FGF13: variants seen among roughly 807,000 people sequenced by gnomAD.
The protein encoded by FGF13 is fibroblast growth factor 13, also known as fibroblast growth factor homologous factor 2.
Under a neutral mutation model 19.5 loss-of-function variants are expected in FGF13, and 2 were observed. The observed-to-expected ratio is 0.10, with a 90% CI of 0.04 to 0.32. The LOEUF is 0.32. Ranked by LOEUF, FGF13 falls within the 10% of genes least tolerant of loss-of-function variation. The pLI is 1.00. For missense variants in FGF13, 113 were observed against 192.7 expected, an observed-to-expected ratio of 0.59 and a Z score of 2.45; for synonymous variants, 72 against 76.9, an observed-to-expected ratio of 0.94 and a Z score of 0.33.
At chrX:139,005,197 C>T (rs1373105337) in intron 1 of FGF13, among the ~76,000 whole-genome samples, 1 of 53,208 alleles carries the variant, frequency 1.9e-5, no homozygotes, top group Admixed American at 1.6e-4. Context: ...GTCACTGCCC[C>T]CCCCCCCCCC....
intron 1 of FGF13, among the ~76,000 whole-genome samples, chrX:138,947,289 CA>C (rs1039136100): frequency 1.8e-5 from 2 of 108,113 alleles, no homozygotes; most frequent in Admixed American, 9.9e-5. Context: ...TTAAAATGAG[CA>C]AAAAAAAACT....
chrX:139,141,048 G>GATAGATAC (rs2083839277), intron 1 of FGF13, among the ~76,000 whole-genome samples: 1 of 11,409 alleles, frequency 8.8e-5, no homozygotes, highest in Non-Finnish European at 1.9e-4. Flanking sequence ...CTAGATAGAT[G>GATAGATAC]ATAGATAGAT....
chrX:138,790,706 G>C (rs1049948278), intron 3 of FGF13, among the ~76,000 whole-genome samples: 3 of 112,090 alleles, frequency 2.7e-5, no homozygotes, highest in African/African-American at 9.8e-5. Flanking sequence ...CTTCTCAAAT[G>C]CAGCTGAATT....
At chrX:139,011,058 G>A (rs1313883513) in intron 1 of FGF13, among the ~76,000 whole-genome samples, 1 of 111,084 alleles carries the variant, frequency 9.0e-6, no homozygotes, top group Non-Finnish European at 1.9e-5. Flanking sequence ...ACTTAGAGGA[G>A]ATGGATACAT....
chrX:138,986,680 TG>T (rs1019380120), intron 1 of FGF13, among the ~76,000 whole-genome samples: 4 of 112,042 alleles, frequency 3.6e-5, no homozygotes, highest in Admixed American at 2.8e-4. Context: ...GGCACAGCAC[TG>T]CATCCAGCTG....
At chrX:138,719,550 G>A (rs1336194862) in intron 1 of FGF13, among the ~76,000 whole-genome samples, 1 of 111,839 alleles carries the variant, frequency 8.9e-6, no homozygotes, top group African/African-American at 3.3e-5. Context: ...ACTTAGCAGA[G>A]ACAAGAAGTT....
At chrX:139,040,144 C>T (rs1438799247) in intron 1 of FGF13, among the ~76,000 whole-genome samples, 1 of 111,900 alleles carries the variant, frequency 8.9e-6, no homozygotes, top group Non-Finnish European at 1.9e-5. Flanking sequence ...TTAATCCTCA[C>T]AATAGTCCTA....
At chrX:139,095,714 C>T (rs1028303747) in intron 1 of FGF13, among the ~76,000 whole-genome samples, 9 of 111,955 alleles carry the variant, frequency 8.0e-5, no homozygotes, top group African/African-American at 2.6e-4. Flanking sequence ...ACAGTAGATA[C>T]TAAATTAAGA....
At chrX:138,884,475 A>G (rs960954373) in intron 1 of FGF13, among the ~76,000 whole-genome samples, 2 of 112,490 alleles carry the variant, frequency 1.8e-5, no homozygotes, top group African/African-American at 3.2e-5. Flanking sequence ...CTTGTCCCCA[A>G]TAACAAAGTC....
chrX:138,881,876 T>G (rs1190336192), intron 1 of FGF13, among the ~76,000 whole-genome samples: 1 of 110,792 alleles, frequency 9.0e-6, no homozygotes, highest in Non-Finnish European at 1.9e-5. Context: ...TTCTCCATAT[T>G]GTTTTTCTCT....
At chrX:139,199,853 G>A (rs2084402131) in intron 1 of FGF13, among the ~76,000 whole-genome samples, 1 of 112,323 alleles carries the variant, frequency 8.9e-6, no homozygotes, top group South Asian at 3.7e-4. Context: ...CTAAGCTAGA[G>A]AAAAGATACA....
chrX:138,875,102 C>T (rs1346600529), intron 1 of FGF13, among the ~76,000 whole-genome samples: 1 of 109,364 alleles, frequency 9.1e-6, no homozygotes, highest in Non-Finnish European at 1.9e-5. Flanking sequence ...TATGGTGGCA[C>T]GTGCCTGCAA....
At chrX:139,078,960 T>C (rs1276639686) in intron 1 of FGF13, among the ~76,000 whole-genome samples, 1 of 112,762 alleles carries the variant, frequency 8.9e-6, no homozygotes, top group East Asian at 2.8e-4. Flanking sequence ...TCTGCACTGC[T>C]ACAAAATACA....
intron 3 of FGF13, chrX:138,667,774 C>A: frequency 2.9e-6 from 1 of 341,757 alleles, no homozygotes; most frequent in Non-Finnish European, 6.0e-6. Context: ...GAGTGCAGAC[C>A]AGGGTCTCCC....
At chrX:139,006,160 A>G in intron 1 of FGF13, among the ~76,000 whole-genome samples, 1 of 111,658 alleles carries the variant, frequency 9.0e-6, no homozygotes, top group Admixed American at 9.5e-5. Context: ...AAGGTGAAGG[A>G]TAAAGAAAGA....
At chrX:139,081,972 A>G (rs2089122193) in intron 1 of FGF13, among the ~76,000 whole-genome samples, 4 of 111,515 alleles carry the variant, frequency 3.6e-5, no homozygotes, top group African/African-American at 9.8e-5. Context: ...GGTTACATCA[A>G]TCTCCTGCTC....
At chrX:138,911,782 A>T (rs1324244722) in intron 1 of FGF13, among the ~76,000 whole-genome samples, 2 of 111,717 alleles carry the variant, frequency 1.8e-5, no homozygotes, top group East Asian at 5.7e-4. Flanking sequence ...CTTTGCAACC[A>T]TCTGTAAACT....
chrX:139,187,979 ACT>A (rs2084295050), intron 1 of FGF13, among the ~76,000 whole-genome samples: 1 of 111,636 alleles, frequency 9.0e-6, no homozygotes, highest in Non-Finnish European at 1.9e-5. Flanking sequence ...TTTCCAGGAC[ACT>A]CTTATTCCTC....
chrX:138,791,308 A>G (rs553056713), intron 3 of FGF13, among the ~76,000 whole-genome samples: 88 of 112,090 alleles, frequency 7.9e-4, no homozygotes, highest in Middle Eastern at 9.2e-3. Context: ...CCAATCCTTC[A>G]TAAGTACCAA....
Sources: gnomAD v4.1 joint callset for allele counts (sites outside exome capture counted in the v4.1 genomes callset) on GRCh38, gnomAD v4.1.1 for gene constraint, MANE v1.5 for transcripts, NCBI Gene and HGNC (gene_info 2026-07-23, HGNC 2026-07-21) for gene names.